The following SALL1 variants were observed in gnomAD, a reference collection of about 807,000 sequenced individuals.
SALL1 encodes sal-like protein 1.
In SALL1, 10 loss-of-function variants were observed where a neutral mutation model predicts 73.1. The ratio of observed to expected loss-of-function variants is 0.14; its 90% CI spans 0.08 to 0.23. SALL1 has a LOEUF of 0.23. Ranked by LOEUF, SALL1 falls within the 10% of genes least tolerant of loss-of-function variation. The pLI is 1.00. For synonymous variants in SALL1, 688 were observed against 689.8 expected (o/e 1.00, Z 0.04); for missense variants, 1,520 against 1,697.3 (o/e 0.90, Z 1.84).
At chr16:51,138,467 A>G (rs954065917) in intron 2 of SALL1, among the ~76,000 whole-genome samples, 2 of 152,136 alleles carry the variant, frequency 1.3e-5, no homozygotes, top group African/African-American at 4.8e-5. Flanking sequence ...GTGCACTGAC[A>G]TTCAGTGAGC....
In SALL1 at chr16:51,140,666, T is replaced by A. The variant is rs149727960; in HGVS notation, c.1556A>T (p.Asn519Ile). The change falls in exon 2 of 3, where the codon AAT (asparagine) becomes ATT (isoleucine). Residue 519 changes from asparagine (N) to isoleucine (I), a missense_variant. This residue lies in a region of SALL1 where 276 missense variants were observed against 259.1 expected (regional missense o/e 1.07). Coordinates refer to ENST00000251020, the MANE Select transcript of SALL1 (RefSeq NM_002968.3). The surrounding 1 kb of genome is among the most constrained non-coding windows in gnomAD (Gnocchi z 5.7). ...TGGGATGCCAGTACTCGTGGGGATA[T>A]TGTCCAAATGCTCAGGCACAGGATA... The part of the protein sequence containing the change: ...NPYPVPEHLD[N>I]IPTSTGIPYG... 6.2e-7 allele frequency: 1 copy of A among 1,614,104 alleles called. No homozygotes were observed. Among genetic ancestry groups the A allele is most frequent in the Non-Finnish European group, 8.5e-7 (1 of 1,180,000 alleles).
Position 51,139,846 on chromosome 16 carries a change from C to T in SALL1, c.2376G>A (p.Gln792=), listed in dbSNP as rs751547279. 1.7e-5 allele frequency: 28 copies of T among 1,614,192 alleles called. No homozygotes were observed. In the South Asian group the frequency reaches 3.1e-4, roughly 18 times the overall value. ...TGTCGGGGACTGGGGTGTTGGGGAT[C>T]TGGCCTCCCATATGCATTCGGATGT... is the stretch of plus-strand genomic sequence containing the variant. ...QQHIRMHMGG[Q]IPNTPVPDSY... is the part of the protein sequence containing the mutation. Residue 792 remains glutamine (Q), a synonymous_variant, in exon 2 of 3, where the codon CAG becomes CAA. Transcript: ENST00000251020.
chr16:51,148,509 A>G (rs1175538680), intron 1 of SALL1, among the ~76,000 whole-genome samples: 1 of 152,244 alleles, frequency 6.6e-6, no homozygotes, highest in Non-Finnish European at 1.5e-5. Context: ...TTCTAAAAAT[A>G]TAACAATGTT....
rs367833441 is a variant in SALL1 at position 51,141,470 on chromosome 16, C to T, written c.752G>A (p.Arg251His). 2.2e-5 allele frequency: 36 copies of T among 1,614,144 alleles called. No individual in the cohort carries two copies. Among genetic ancestry groups the T allele is most frequent in the Middle Eastern group, 1.7e-4 (1 of 6,060 alleles). Residue 251 changes from arginine to histidine, a missense_variant, in exon 2 of 3, where the codon CGT becomes CAT. By Grantham distance (29) the Arg-to-His change is conservative. This residue lies in a region of SALL1 where 540 missense variants were observed against 567.5 expected (regional missense o/e 0.95). Transcript: ENST00000251020. The surrounding 1 kb of genome is among the most constrained non-coding windows in gnomAD (Gnocchi z 5.4). ...AGAAGCCAACAGCAATATTTGGTGA[C>T]GAATCTGTTCGATCAATTGCAGCTG... ...IHQLQLIEQI[R>H]HQILLLASQN...
chr16:51,151,233 C>T lies in SALL1; in HGVS notation c.9G>A (p.Arg3=), dbSNP rs200987027. ...AATGTTGAGGCTTCGCTTGCTTCCTCCGCGACATGCTGGCTCAAACATCAG... is the reference window on the plus strand; with the variant it reads ...AATGTTGAGGCTTCGCTTGCTTCCTTCGCGACATGCTGGCTCAAACATCAG... MS[R]RKQAKPQHFQ... The change falls in exon 1 of 3, where the codon CGG becomes CGA. Residue 3 remains arginine (R), a synonymous_variant. Coordinates refer to ENST00000251020, the MANE Select transcript of SALL1 (RefSeq NM_002968.3). 46 of 1,599,476 alleles carry T rather than the reference C, an allele frequency of 2.9e-5. No homozygotes were observed. The African/African-American group carries it at 5.6e-4, about 20-fold the overall frequency.
rs138705495 is a variant in SALL1, at chr16:51,140,272, G to A, written c.1950C>T (p.Gly650=). The A allele has an allele frequency of 1.9e-4, 304 of 1,614,146 alleles. 1 individual carries two copies. The highest frequency in any genetic ancestry group is 1.5e-3 in the Middle Eastern group (9 of 6,062). The change falls in exon 2 of 3, where the codon GGC becomes GGT. Residue 650 remains glycine (G), a synonymous_variant. Coordinates refer to ENST00000251020, the MANE Select transcript of SALL1 (RefSeq NM_002968.3). This position sits in a 1 kb window ranked among gnomAD's most constrained non-coding sequence, Gnocchi z 5.7. ...TGAAGGTGGTGGCACTGCCCGCGGG[G>A]CCGCAGTCTGCCGCTGGGGAGCTCA... ...SVLSSPAADC[G]PAGSATTFTN... is the part of the protein sequence containing the mutation.
chr16:51,137,593 AGAG>A, intron 2 of SALL1, 41 bp from the exon 3 acceptor site: 8 of 1,502,036 alleles, frequency 5.3e-6, no homozygotes, highest in Non-Finnish European at 7.4e-6. Context: ...AGAGAGAGAG[AGAG>A]AAAAAAAAGA....
rs1962374742 is a variant in SALL1, at chr16:51,139,582, C to T, written c.2640G>A (p.Gln880=). 2 of 1,614,088 alleles carry T rather than the reference C, an allele frequency of 1.2e-6. No homozygotes were observed. The highest frequency in any genetic ancestry group is 1.1e-5 in the South Asian group (1 of 91,080). ...CCACTGACTTCAGGCTGGCCTGTAG[C>T]TGCTCTGCCAGGCCAGCATTGATCA... is the stretch of plus-strand genomic sequence containing the variant. The part of the protein sequence containing the change: ...MKMINAGLAE[Q]LQASLKSVEN... Residue 880 remains glutamine, a synonymous_variant, in exon 2 of 3, where the codon CAG becomes CAA. Coordinates refer to ENST00000251020, the MANE Select transcript of SALL1 (RefSeq NM_002968.3).
At chr16:51,145,314 A>G (rs188242032) in intron 1 of SALL1, among the ~76,000 whole-genome samples, 18 of 152,246 alleles carry the variant, frequency 1.2e-4, no homozygotes, top group Admixed American at 3.9e-4. Flanking sequence ...GTAATCTGTT[A>G]CACAAGATTG....
chr16:51,148,528 T>TA (rs1487721090), intron 1 of SALL1, among the ~76,000 whole-genome samples: 1 of 152,094 alleles, frequency 6.6e-6, no homozygotes, highest in Non-Finnish European at 1.5e-5. Flanking sequence ...TTTCTTTACG[T>TA]AAAAAACAAA....
At chr16:51,145,245 T>C (rs1222006236) in intron 1 of SALL1, among the ~76,000 whole-genome samples, 2 of 137,272 alleles carry the variant, frequency 1.5e-5, no homozygotes, top group African/African-American at 5.2e-5. Context: ...CACACACACG[T>C]ACACACGAAC....
rs773892092 is a variant in SALL1, at chr16:51,137,077, C to T, written c.*35G>A. ...AGGCCACCATAGGTCGCATTCTGAA[C>T]AGGAATGAATGCTATGTCTCCAGCC... On this transcript the variant is annotated 3_prime_UTR_variant, in exon 3 of 3. Transcript: ENST00000251020. 1 of 1,610,734 alleles carries T rather than the reference C, an allele frequency of 6.2e-7. No homozygotes were observed. The highest frequency in any genetic ancestry group is 1.1e-5 in the South Asian group (1 of 90,908).
At position 51,139,534 on chromosome 16, in the gene SALL1, A is replaced by G; in HGVS notation, c.2688T>C (p.Asp896=). Residue 896 remains aspartate, a synonymous_variant, in exon 2 of 3, where the codon GAT becomes GAC. Transcript: ENST00000251020. ...KSVENGSIEG[D]VLTNDSSSVG... The stretch of plus-strand genomic sequence containing the variant: ...CTGAGGATGAATCATTGGTCAGGAC[A>G]TCCCCCTCGATGGACCCATTCTCCA... 1 of 1,614,204 alleles carries G rather than the reference A, an allele frequency of 6.2e-7. No individual in the cohort carries two copies. Among genetic ancestry groups the G allele is most frequent in the Non-Finnish European group, 8.5e-7 (1 of 1,180,036 alleles).
At chr16:51,151,314 AGCGGCG>A (rs954474530), upstream of SALL1, 14 of 1,199,758 alleles carry the variant, frequency 1.2e-5, no homozygotes, top group Admixed American at 1.1e-4. Context: ...ACGGAAATCG[AGCGGCG>A]GCGGCGGCGG....
intron 1 of SALL1, 72 bp downstream of exon 1, chr16:51,151,094 T>G: frequency 5.4e-6 from 6 of 1,112,394 alleles, no homozygotes; most frequent in Non-Finnish European, 6.2e-6. Flanking sequence ...GCCAGCCGCG[T>G]GTGAGTGGGT....
At position 51,141,854 on chromosome 16, in the gene SALL1, T is replaced by C. The variant is rs767811811; in HGVS notation, c.368A>G (p.Glu123Gly). 6.2e-7 allele frequency: 1 copy of C among 1,613,914 alleles called. No homozygotes were observed. Among genetic ancestry groups the C allele is most frequent in the Admixed American group, 1.7e-5 (1 of 60,022 alleles). ...AACCGGGGCCTCCACCTCCATGGACTCTTCCCTGTCAAGTCCGTTGTGTTC... is the reference window on the plus strand; with the variant it reads ...AACCGGGGCCTCCACCTCCATGGACCCTTCCCTGTCAAGTCCGTTGTGTTC... ...LSEHNGLDRE[E>G]SMEVEAPVAN... The change falls in exon 2 of 3, where the codon GAG (glutamate) becomes GGG (glycine). Residue 123 changes from glutamate to glycine, a missense_variant. By Grantham distance (98) the Glu-to-Gly change is moderately conservative (BLOSUM62 -2). Coordinates refer to ENST00000251020, the MANE Select transcript of SALL1 (RefSeq NM_002968.3). The surrounding 1 kb of genome is among the most constrained non-coding windows in gnomAD (Gnocchi z 5.4).
rs1962388555 is a variant in SALL1, at chr16:51,140,023, G to A, written c.2199C>T (p.Pro733=). Reference sequence around the variant, plus strand: ...CCCGGCCACAGATCTTACACTTAAAGGGCCTCTCCCCAGTGTGTGTCCTGT... The same window carrying A: ...CCCGGCCACAGATCTTACACTTAAAAGGCCTCTCCCCAGTGTGTGTCCTGT... ...MHYRTHTGER[P]FKCKICGRAF... The change falls in exon 2 of 3, where the codon CCC becomes CCT. Residue 733 remains proline (P), a synonymous_variant. Coordinates refer to ENST00000251020, the MANE Select transcript of SALL1 (RefSeq NM_002968.3). The surrounding 1 kb of genome is among the most constrained non-coding windows in gnomAD (Gnocchi z 5.7). 3 of 1,614,204 alleles carry A rather than the reference G, an allele frequency of 1.9e-6. No homozygotes were observed. Among genetic ancestry groups the A allele is most frequent in the Non-Finnish European group, 2.5e-6 (3 of 1,180,040 alleles).
At chr16:51,147,200 G>A (rs1962530164) in intron 1 of SALL1, among the ~76,000 whole-genome samples, 1 of 152,260 alleles carries the variant, frequency 6.6e-6, no homozygotes, top group South Asian at 2.1e-4. Context: ...TAGGGGAAAT[G>A]TGATGTAAAA....
intron 1 of SALL1, among the ~76,000 whole-genome samples, chr16:51,145,977 GTCTT>G (rs1465240825): frequency 1.6e-5 from 2 of 128,558 alleles, no homozygotes; most frequent in African/African-American, 6.3e-5. Context: ...TGATTGATTG[GTCTT>G]TTTTTTTTTT....
Sources: gnomAD v4.1 joint callset for allele counts (sites outside exome capture counted in the v4.1 genomes callset) on GRCh38, gnomAD v4.1.1 for gene constraint, gnomAD v4.1.1 regional missense constraint, Gnocchi (gnomAD v3.1) non-coding constraint, MANE v1.5 for transcripts, NCBI Gene and HGNC (gene_info 2026-07-23, HGNC 2026-07-21) for gene names.